CCDC30: variants seen among roughly 807,000 people sequenced by gnomAD.
The protein encoded by CCDC30 is coiled-coil domain containing 30.
CCDC30 carries 70 observed loss-of-function variants against 100.2 expected under a neutral mutation model. That is an observed-to-expected ratio of 0.70 (90% CI 0.58 to 0.85). The LOEUF (loss-of-function observed/expected upper bound fraction) is 0.85. CCDC30 is among the 40% of genes least tolerant of loss of function. The pLI is 0.00. For missense variants in CCDC30, 652 were observed against 771.2 expected (o/e 0.85, Z 1.83); for synonymous variants, 233 against 269.5 (o/e 0.86, Z 1.33).
intron 10 of CCDC30, chr1:42,593,159 C>T (rs758606917): frequency 6.6e-6 from 1 of 152,208 alleles, no homozygotes; most frequent in East Asian, 1.9e-4. Flanking sequence ...TGCCCCCATT[C>T]GAGATGCCAA....
At chr1:42,595,886 C>T (rs1457554933) in intron 10 of CCDC30, among the ~76,000 whole-genome samples, 1 of 152,154 alleles carries the variant, frequency 6.6e-6, no homozygotes, top group African/African-American at 2.4e-5. Context: ...ACAGAAAGCA[C>T]TATTTGTTCC....
intron 6 of CCDC30, among the ~76,000 whole-genome samples, chr1:42,564,748 G>A (rs961721845): frequency 1.3e-5 from 2 of 152,080 alleles, no homozygotes; most frequent in Admixed American, 6.6e-5. Context: ...AACACATTAA[G>A]TATAGTCACT....
At chr1:42,535,565 A>G (rs538316870) in intron 6 of CCDC30, among the ~76,000 whole-genome samples, 1 of 147,554 alleles carries the variant, frequency 6.8e-6, no homozygotes, top group South Asian at 2.1e-4. Flanking sequence ...GGCTTTTACA[A>G]TGGAGAGGGG....
chr1:42,650,479 C>G (rs974575846), intron 15 of CCDC30, among the ~76,000 whole-genome samples: 3 of 142,742 alleles, frequency 2.1e-5, no homozygotes, highest in Non-Finnish European at 4.6e-5. Flanking sequence ...GAACAAGACC[C>G]TGTCTAAAAA....
chr1:42,595,970 A>G (rs1646279706), intron 10 of CCDC30, among the ~76,000 whole-genome samples: 1 of 152,214 alleles, frequency 6.6e-6, no homozygotes, highest in African/African-American at 2.4e-5. Flanking sequence ...CTGATCCAGC[A>G]TGTAAGAAGC....
chr1:42,482,850 A>G, intron 3 of CCDC30, 34 bp downstream of exon 3: 2 of 1,214,580 alleles, frequency 1.6e-6, no homozygotes, highest in Non-Finnish European at 2.1e-6. Flanking sequence ...ATTTCCGATC[A>G]TGCTTTAACT....
intron 6 of CCDC30, among the ~76,000 whole-genome samples, chr1:42,557,688 T>TTATATTAAA (rs1027768901): frequency 6.8e-6 from 1 of 147,434 alleles, no homozygotes; most frequent in Non-Finnish European, 1.5e-5. Flanking sequence ...AATATTTTAT[T>TTATATTAAA]TATATTAAAT....
In CCDC30 at chr1:42,501,329, A is replaced by C. The variant is rs1041851622; in HGVS notation, c.456+2413A>C. On this transcript the variant is annotated intron_variant, in intron 6 of 16. Transcript: ENST00000668663. Reference sequence around the variant, plus strand: ...TGGTGCCTTTATTAAAAACATTTATAAAGATCCACTTCTGGTCTCTGTATT... The same window carrying C: ...TGGTGCCTTTATTAAAAACATTTATCAAGATCCACTTCTGGTCTCTGTATT... Among the ~76,000 whole-genome samples the C allele has an allele frequency of 2.6e-5, 4 of 152,242 alleles. No homozygotes were observed. In the East Asian group the frequency reaches 7.7e-4, roughly 29 times the overall value.
At chr1:42,526,304 A>G (rs1170081202) in intron 6 of CCDC30, among the ~76,000 whole-genome samples, 6 of 152,116 alleles carry the variant, frequency 3.9e-5, no homozygotes, top group Admixed American at 3.9e-4. Context: ...TGTAAGGGTG[A>G]GGAAAATCTC....
intron 6 of CCDC30, among the ~76,000 whole-genome samples, chr1:42,515,547 A>G (rs1329342491): frequency 6.6e-6 from 1 of 152,236 alleles, no homozygotes; most frequent in Non-Finnish European, 1.5e-5. Flanking sequence ...AAATGCAGCA[A>G]CAAGGTGCCA....
intron 1 of CCDC30, among the ~76,000 whole-genome samples, chr1:42,474,703 C>G (rs901314838): frequency 2.6e-5 from 4 of 152,166 alleles, no homozygotes; most frequent in African/African-American, 7.2e-5. Flanking sequence ...TCCCCTTATT[C>G]CCTATGTGAC....
chr1:42,553,786 T>C (rs1312874863), intron 6 of CCDC30, among the ~76,000 whole-genome samples: 1 of 152,116 alleles, frequency 6.6e-6, no homozygotes, highest in African/African-American at 2.4e-5. Flanking sequence ...GAAAATTTCA[T>C]TGTTGTTTTA....
At chr1:42,656,645 T>C (rs112911209), downstream of CCDC30, among the ~76,000 whole-genome samples, 10 of 152,028 alleles carry the variant, frequency 6.6e-5, no homozygotes, top group South Asian at 1.9e-3. Context: ...ATAATAATAA[T>C]AAATACATAA....
intron 11 of CCDC30, among the ~76,000 whole-genome samples, chr1:42,627,592 A>G (rs112416467): frequency 0.021 from 3,159 of 152,218 alleles, 107 homozygotes; most frequent in African/African-American, 0.069. Context: ...TGGTTTTGTG[A>G]GCCGGTCCCA....
chr1:42,632,388 A>G lies in CCDC30; in HGVS notation c.1278-4849A>G, dbSNP rs147104850. ...AGGCTGAGGCAGGAGAATTGCTTGA[A>G]CCTGCGAGGTGGAGGTTGCAGTGAG... is the stretch of plus-strand genomic sequence containing the variant. On this transcript the variant is annotated intron_variant, in intron 11 of 16. Transcript: ENST00000668663. Among the ~76,000 whole-genome samples, 61 of 151,968 alleles carry G rather than the reference A, an allele frequency of 4.0e-4. 1 individual carries two copies. In the East Asian group the frequency reaches 9.3e-3, roughly 23 times the overall value.
chr1:42,540,676 TAC>T (rs60125557), intron 6 of CCDC30, among the ~76,000 whole-genome samples: 20,630 of 150,320 alleles, frequency 0.14, 1,531 homozygotes, highest in East Asian at 0.19. Context: ...CACATACACA[TAC>T]ACACACACAC....
chr1:42,584,889 A>T (rs1264386796), intron 9 of CCDC30, among the ~76,000 whole-genome samples: 1 of 152,118 alleles, frequency 6.6e-6, no homozygotes. Context: ...GTATTAGGGT[A>T]ATGTTTGTCT....
At chr1:42,600,894 C>T (rs1217108209) in intron 10 of CCDC30, among the ~76,000 whole-genome samples, 1 of 151,808 alleles carries the variant, frequency 6.6e-6, no homozygotes, top group Non-Finnish European at 1.5e-5. Context: ...TGTGGTAAGA[C>T]ATGTCTTGCT....
chr1:42,570,495 A>G (rs1645710367), intron 7 of CCDC30, among the ~76,000 whole-genome samples: 1 of 152,162 alleles, frequency 6.6e-6, no homozygotes. Context: ...TAGACAACTA[A>G]ACACTACCCA....
Sources: gnomAD v4.1 joint callset for allele counts (sites outside exome capture counted in the v4.1 genomes callset) on GRCh38, gnomAD v4.1.1 for gene constraint, MANE v1.5 for transcripts, NCBI Gene and HGNC (gene_info 2026-07-23, HGNC 2026-07-21) for gene names.